Variants in ITM2B observed in about 807,000 individuals in gnomAD.
The protein encoded by ITM2B is integral membrane protein 2B.
A neutral mutation model predicts 27.8 loss-of-function variants in ITM2B; 11 were observed. The ratio of observed to expected loss-of-function variants is 0.40; its 90% CI spans 0.25 to 0.66. The LOEUF (loss-of-function observed/expected upper bound fraction) is 0.66. ITM2B is among the 30% of genes least tolerant of loss of function. ITM2B has a pLI of 0.43. For missense variants in ITM2B, 296 were observed against 328.9 expected, an observed-to-expected ratio of 0.90 and a Z score of 0.77; for synonymous variants, 114 against 114.3, an observed-to-expected ratio of 1.00 and a Z score of 0.02.
At chr13:48,254,937 G>A (rs988597892) in intron 2 of ITM2B, 5 of 151,436 alleles carry the variant, frequency 3.3e-5, no homozygotes, top group South Asian at 2.1e-4. Flanking sequence ...GTCCAATGGC[G>A]CGATCTCGGC....
At chr13:48,259,239 G>C (rs138363801) in intron 5 of ITM2B, among the ~76,000 whole-genome samples, 242 of 152,264 alleles carry the variant, frequency 1.6e-3, no homozygotes, top group African/African-American at 5.5e-3. Context: ...CACTTTGGTT[G>C]AGCCATACTG....
intron 1 of ITM2B, among the ~76,000 whole-genome samples, chr13:48,239,891 A>G (rs147022317): frequency 1.6e-3 from 247 of 152,246 alleles, no homozygotes; most frequent in African/African-American, 5.6e-3. Flanking sequence ...AATGATTTTT[A>G]TATTTTTTAA....
At chr13:48,241,138 A>T (rs1055306567) in intron 1 of ITM2B, among the ~76,000 whole-genome samples, 1 of 152,226 alleles carries the variant, frequency 6.6e-6, no homozygotes, top group African/African-American at 2.4e-5. Flanking sequence ...TTGGCCTGGC[A>T]TCCTTGTACT....
At position 48,258,831 on chromosome 13, in the gene ITM2B, A is replaced by G. The variant is rs1593396666; in HGVS notation, c.599A>G (p.His200Arg). The G allele has an allele frequency of 1.2e-6, 2 of 1,613,714 alleles. No homozygotes were observed. The highest frequency in any genetic ancestry group is 1.7e-5 in the Admixed American group (1 of 60,004). The change falls in exon 5 of 6, where the codon CAT becomes CGT. Residue 200 changes from histidine (H) to arginine (R), a missense_variant. Physicochemically the swap from His to Arg is conservative, Grantham distance 29 (BLOSUM62 0). Transcript: ENST00000647800. ...TATTTGCCTCAGTCCTATCTGATTC[A>G]TGAGCACATGGTTATTACTGATCGC... is the stretch of plus-strand genomic sequence containing the variant. ...GTYLPQSYLI[H>R]EHMVITDRIE...
chr13:48,235,687 G>T (rs1350526371), intron 1 of ITM2B, among the ~76,000 whole-genome samples: 1 of 152,188 alleles, frequency 6.6e-6, no homozygotes, highest in Admixed American at 6.5e-5. Context: ...CAGCCACCTT[G>T]TCTGACTGCC....
In ITM2B at chr13:48,237,397, G is replaced by C. The variant is rs9332253; in HGVS notation, c.117+3920G>C. Among the ~76,000 whole-genome samples the C allele has an allele frequency of 4.7e-3, 715 of 152,292 alleles. 4 individuals are homozygous for C. Among genetic ancestry groups the C allele is most frequent in the Non-Finnish European group, 7.4e-3 (500 of 68,018 alleles). On this transcript the variant is annotated intron_variant, in intron 1 of 5. Coordinates refer to ENST00000647800, the MANE Select transcript of ITM2B (RefSeq NM_021999.5). ...CTGTGCATCCCAAATGCCTTGGCAG[G>C]ACCTCCTGTGTACACATCCCTGACA...
At chr13:48,259,272 G>A (rs181934364) in intron 5 of ITM2B, among the ~76,000 whole-genome samples, 8 of 152,192 alleles carry the variant, frequency 5.3e-5, no homozygotes, top group South Asian at 4.1e-4. Context: ...TTATCCAGAG[G>A]GTGTCTTGGG....
At chr13:48,233,745 C>T (rs1015347646) in intron 1 of ITM2B, among the ~76,000 whole-genome samples, 3 of 152,134 alleles carry the variant, frequency 2.0e-5, no homozygotes, top group African/African-American at 7.2e-5. Flanking sequence ...AATTCCCGGT[C>T]GTTTGTGCAG....
rs116124214 is a variant in ITM2B at position 48,237,368 on chromosome 13, G to A, written c.117+3891G>A. Among the ~76,000 whole-genome samples, 408 of 152,298 alleles carry A rather than the reference G, an allele frequency of 2.7e-3. 1 individual carries two copies. The highest frequency in any genetic ancestry group is 9.5e-3 in the African/African-American group (394 of 41,550). The stretch of plus-strand genomic sequence containing the variant: ...TTTAGTGCTGGGAAATAAATGAATT[G>A]CGTCTGTGCATCCCAAATGCCTTGG... On this transcript the variant is annotated intron_variant, in intron 1 of 5. Transcript: ENST00000647800.
chr13:48,234,718 A>G (rs1159631747), intron 1 of ITM2B, among the ~76,000 whole-genome samples: 1 of 152,184 alleles, frequency 6.6e-6, no homozygotes, highest in Non-Finnish European at 1.5e-5. Context: ...TCTGATAAAA[A>G]CAGACACGTC....
chr13:48,259,270 A>G (rs1816214189), intron 5 of ITM2B, among the ~76,000 whole-genome samples: 1 of 152,086 alleles, frequency 6.6e-6, no homozygotes, highest in African/African-American at 2.4e-5. Context: ...TATTATCCAG[A>G]GGGTGTCTTG....
At position 48,268,845 on chromosome 13, in the gene ITM2B, A is replaced by G. The variant is rs929954315; in HGVS notation, c.*7621A>G. The G allele has an allele frequency of 2.6e-5, 4 of 152,208 alleles. No homozygotes were observed. The highest frequency in any genetic ancestry group is 9.7e-5 in the African/African-American group (4 of 41,450). The allele number at this position is 152,208 out of a possible 1,614,324, so 9.4% of individuals were successfully genotyped here. ...AAAATATACATAATAAATACATGAC[A>G]ATGCAGGAGTCCAAGTATTATTAGG... On this transcript the variant is annotated 3_prime_UTR_variant, in exon 6 of 6. Coordinates refer to ENST00000647800, the MANE Select transcript of ITM2B (RefSeq NM_021999.5).
In ITM2B at chr13:48,233,214, C is replaced by T. The variant is rs891169153; in HGVS notation, c.-147C>T. The T allele has an allele frequency of 7.7e-6, 4 of 516,608 alleles. No individual in the cohort carries two copies. The highest frequency in any genetic ancestry group is 1.3e-5 in the Non-Finnish European group (4 of 297,802). 32.0% of individuals were successfully genotyped at this position (516,608 alleles called of 1,614,324 possible). A position where few individuals can be genotyped will look rare whatever the true frequency, so the allele number is the denominator to read the frequency against. On this transcript the variant is annotated 5_prime_UTR_variant, in exon 1 of 6. Transcript: ENST00000647800. ...TGCGAGATCCCTACCGCAGTAGCCG[C>T]CTCTGCCGCCGCGGAGCTTCCCGAA...
chr13:48,269,627 CT>C lies in ITM2B; in HGVS notation c.*8406del, dbSNP rs1280958934. ...ACCAAGGGCAATCCTGCTTCAGAGCCTTTGCACTTGCTGTTTCTGGGCCAGG... is the reference window on the plus strand; with the variant it reads ...ACCAAGGGCAATCCTGCTTCAGAGCCTTGCACTTGCTGTTTCTGGGCCAGG... On this transcript the variant is annotated 3_prime_UTR_variant, in exon 6 of 6. Transcript: ENST00000647800. The C allele has an allele frequency of 3.9e-5, 6 of 152,412 alleles. No individual in the cohort carries two copies. Among genetic ancestry groups the C allele is most frequent in the African/African-American group, 1.2e-4 (5 of 41,448 alleles). The allele number at this position is 152,412 out of a possible 1,614,324, so 9.4% of individuals were successfully genotyped here.
intron 1 of ITM2B, among the ~76,000 whole-genome samples, chr13:48,237,369 C>T (rs778887974): frequency 1.3e-5 from 2 of 152,172 alleles, no homozygotes; most frequent in Non-Finnish European, 2.9e-5. Context: ...AAATGAATTG[C>T]GTCTGTGCAT....
rs927985010 is a variant in ITM2B at position 48,262,278 on chromosome 13, A to C, written c.*1054A>C. On this transcript the variant is annotated 3_prime_UTR_variant, in exon 6 of 6. Coordinates refer to ENST00000647800, the MANE Select transcript of ITM2B (RefSeq NM_021999.5). ...GGTTGCTTCCTCTCTGAAATAATTCAGAATCCACCCCCATTTAATAAAATA... is the reference window on the plus strand; with the variant it reads ...GGTTGCTTCCTCTCTGAAATAATTCCGAATCCACCCCCATTTAATAAAATA... 4 of 152,146 alleles carry C rather than the reference A, an allele frequency of 2.6e-5. No homozygotes were observed. The highest frequency in any genetic ancestry group is 4.8e-5 in the African/African-American group (2 of 41,440). The allele number at this position is 152,146 out of a possible 1,614,324, so 9.4% of individuals were successfully genotyped here.
intron 3 of ITM2B, among the ~76,000 whole-genome samples, chr13:48,257,509 A>G (rs1363672152): frequency 6.6e-6 from 1 of 152,212 alleles, no homozygotes; most frequent in Non-Finnish European, 1.5e-5. Context: ...CATCTGATGG[A>G]TGTTTATAAA....
rs1951826723 is a variant in ITM2B at position 48,262,171 on chromosome 13, T to TA, written c.*951dup. 1 of 152,162 alleles carries TA rather than the reference T, an allele frequency of 6.6e-6. No individual in the cohort carries two copies. The highest frequency in any genetic ancestry group is 2.4e-5 in the African/African-American group (1 of 41,460). 9.4% of individuals were successfully genotyped at this position (152,162 alleles called of 1,614,324 possible). A position where few individuals can be genotyped will look rare whatever the true frequency, so the allele number is the denominator to read the frequency against. On this transcript the variant is annotated 3_prime_UTR_variant, in exon 6 of 6. Transcript: ENST00000647800. The stretch of plus-strand genomic sequence containing the variant: ...CAAAGCCTAAAGTTTCCAAGGAACG[T>TA]AAAATAACTGTGCTTCTCTGAGAAT...
rs1384920062 is a variant in ITM2B at position 48,264,632 on chromosome 13, G to A, written c.*3408G>A. On this transcript the variant is annotated 3_prime_UTR_variant, in exon 6 of 6. Coordinates refer to ENST00000647800, the MANE Select transcript of ITM2B (RefSeq NM_021999.5). The stretch of plus-strand genomic sequence containing the variant: ...CTCTATTGCACACTAATCTTTGCAT[G>A]TTTAACTCTTTGGGACTTAGGTTCC... 1 of 152,154 alleles carries A rather than the reference G, an allele frequency of 6.6e-6. No homozygotes were observed. Among genetic ancestry groups the A allele is most frequent in the African/African-American group, 2.4e-5 (1 of 41,428 alleles). The allele number at this position is 152,154 out of a possible 1,614,324, so 9.4% of individuals were successfully genotyped here.
Sources: gnomAD v4.1 joint callset for allele counts (sites outside exome capture counted in the v4.1 genomes callset) on GRCh38, gnomAD v4.1.1 for gene constraint, MANE v1.5 for transcripts, NCBI Gene and HGNC (gene_info 2026-07-23, HGNC 2026-07-21) for gene names.